CLTC: variants seen among roughly 807,000 people sequenced by gnomAD.
CLTC encodes the protein clathrin heavy chain 1.
Under a neutral mutation model 195.8 loss-of-function variants are expected in CLTC, and 16 were observed. The ratio of observed to expected loss-of-function variants is 0.08; its 90% CI spans 0.06 to 0.12. The LOEUF (loss-of-function observed/expected upper bound fraction) is 0.12, where lower values mean the gene tolerates loss of function less well. CLTC is among the 10% of genes least tolerant of loss of function. CLTC has a pLI of 1.00. For synonymous variants in CLTC, 667 were observed against 689.4 expected, an observed-to-expected ratio of 0.97 and a Z score of 0.51; for missense variants, 796 against 2,027.0, an observed-to-expected ratio of 0.39 and a Z score of 11.66.
intron 30 of CLTC, among the ~76,000 whole-genome samples, chr17:59,686,325 A>AT (rs1349256381): frequency 2.7e-5 from 4 of 147,978 alleles, no homozygotes; most frequent in Non-Finnish European, 6.0e-5. Context: ...TGGGGGTCTA[A>AT]TTGCCTTATA....
intron 13 of CLTC, among the ~76,000 whole-genome samples, chr17:59,668,136 G>T (rs2032771791): frequency 6.6e-6 from 1 of 152,240 alleles, no homozygotes; most frequent in Non-Finnish European, 1.5e-5. Context: ...GGAAGGCAAA[G>T]ATAAGATTTT....
Position 59,619,898 on chromosome 17 carries a change from C to G in CLTC, c.-234C>G, listed in dbSNP as rs368515369. On this transcript the variant is annotated 5_prime_UTR_variant, in exon 1 of 32. Transcript: ENST00000269122. ...CCGGGATCCTTCCGCTGGGCTCAGC[C>G]GTTTCCGGAGTCTGCGCTGCGCCCG... The G allele has an allele frequency of 2.0e-6, 1 of 500,744 alleles. No homozygotes were observed. The highest frequency in any genetic ancestry group is 1.9e-5 in the African/African-American group (1 of 51,376). The allele number at this position is 500,744 out of a possible 1,614,324, so 31.0% of individuals were successfully genotyped here.
chr17:59,678,216 C>G (rs755115042), intron 17 of CLTC, among the ~76,000 whole-genome samples: 41 of 152,296 alleles, frequency 2.7e-4, no homozygotes, highest in Non-Finnish European at 4.1e-4. Flanking sequence ...TCCGGAAGCA[C>G]GCAGTGTTCA....
chr17:59,648,362 G>A lies in CLTC; in HGVS notation c.642G>A (p.Thr214=), dbSNP rs774189767. The change falls in exon 4 of 32, where the codon ACG becomes ACA. Residue 214 remains threonine (T), a synonymous_variant. Transcript: ENST00000269122. This position sits in a 1 kb window ranked among gnomAD's most constrained non-coding sequence, Gnocchi z 4.5. ...FKMEGNAEES[T]LFCFAVRGQA... is the part of the protein sequence containing the mutation. ...TGGAAGGAAATGCAGAAGAATCAAC[G>A]TTATTTTGTTTTGCAGTTCGGGGCC... 6.8e-6 allele frequency: 11 copies of A among 1,613,906 alleles called. No individual in the cohort carries two copies. The highest frequency in any genetic ancestry group is 6.7e-5 in the African/African-American group (5 of 74,914).
intron 1 of CLTC, among the ~76,000 whole-genome samples, chr17:59,642,847 ATAACT>A (rs2032077316): frequency 6.6e-6 from 1 of 152,216 alleles, no homozygotes; most frequent in Non-Finnish European, 1.5e-5. Context: ...TATAACATTA[ATAACT>A]TAATACCAGT....
At chr17:59,636,593 A>G (rs2031867393) in intron 1 of CLTC, among the ~76,000 whole-genome samples, 1 of 150,964 alleles carries the variant, frequency 6.6e-6, no homozygotes, top group Non-Finnish European at 1.5e-5. Flanking sequence ...GCCTCAAGCT[A>G]TCCTCCCATC....
intron 17 of CLTC, among the ~76,000 whole-genome samples, chr17:59,678,218 C>T (rs1037757970): frequency 1.3e-5 from 2 of 152,148 alleles, no homozygotes; most frequent in Non-Finnish European, 1.5e-5. Context: ...CGGAAGCACG[C>T]AGTGTTCATT....
Position 59,651,186 on chromosome 17 carries a change from G to A in CLTC, c.682-17G>A, listed in dbSNP as rs1339531418. ...TAATGTATAGGTTTATATACATTTT[G>A]ATTTTCTTTTGAACAGTTACATATT... On this transcript the variant is annotated splice_polypyrimidine_tract_variant and intron_variant, in intron 4 of 31. Transcript: ENST00000269122. 6.6e-7 allele frequency: 1 copy of A among 1,510,618 alleles called. No homozygotes were observed. Among genetic ancestry groups the A allele is most frequent in the Non-Finnish European group, 9.2e-7 (1 of 1,089,502 alleles). 93.6% of individuals were successfully genotyped at this position (1,510,618 alleles called of 1,614,324 possible).
rs2032224378 is a variant in CLTC at position 59,647,414 on chromosome 17, G to A, written c.267G>A (p.Gln89=). The A allele has an allele frequency of 1.2e-6, 2 of 1,612,392 alleles. No individual in the cohort carries two copies. Among genetic ancestry groups the A allele is most frequent in the South Asian group, 2.2e-5 (2 of 90,738 alleles). The part of the protein sequence containing the change: ...VIALKAGKTL[Q]IFNIEMKSKM... ...TGTTTTTAGCTGGGAAAACTCTTCA[G>A]ATTTTTAACATTGAAATGAAAAGTA... is the stretch of plus-strand genomic sequence containing the variant. The change falls in exon 3 of 32, where the codon CAG becomes CAA. Residue 89 remains glutamine, a synonymous_variant. Coordinates refer to ENST00000269122, the MANE Select transcript of CLTC (RefSeq NM_004859.4).
intron 9 of CLTC, 108 bp downstream of exon 9, chr17:59,664,102 G>T: frequency 2.2e-6 from 2 of 929,100 alleles, no homozygotes; most frequent in Non-Finnish European, 3.1e-6. Context: ...CTTTCATTTT[G>T]ATTTACTTTG....
intron 5 of CLTC, among the ~76,000 whole-genome samples, chr17:59,653,206 T>G (rs2143519896): frequency 6.6e-6 from 1 of 151,864 alleles, no homozygotes; most frequent in African/African-American, 2.4e-5. Context: ...ATTTATTTTT[T>G]TTTTTGAGAC....
Position 59,666,369 on chromosome 17 carries a change from ATTC to A in CLTC, c.1783-108_1783-106del. ...TTAAAGAAAATGTAGCTATTATAAT[ATTC>A]TTTTGTACTTTAACAGTTCACTATT... On this transcript the variant is annotated intron_variant, in intron 11 of 31. Coordinates refer to ENST00000269122, the MANE Select transcript of CLTC (RefSeq NM_004859.4). This position sits in a 1 kb window ranked among gnomAD's most constrained non-coding sequence, Gnocchi z 4.9. 1 of 1,477,478 alleles carries A rather than the reference ATTC, an allele frequency of 6.8e-7. No homozygotes were observed. The highest frequency in any genetic ancestry group is 1.4e-5 in the African/African-American group (1 of 71,072). 91.5% of individuals were successfully genotyped at this position (1,477,478 alleles called of 1,614,324 possible).
chr17:59,632,456 C>A (rs764633935), intron 1 of CLTC, among the ~76,000 whole-genome samples: 4 of 149,670 alleles, frequency 2.7e-5, no homozygotes, highest in African/African-American at 9.8e-5. Context: ...TTTGAAAGAA[C>A]CAAAATTAAA....
At chr17:59,625,644 G>A (rs189765444) in intron 1 of CLTC, among the ~76,000 whole-genome samples, 72 of 152,156 alleles carry the variant, frequency 4.7e-4, no homozygotes, top group African/African-American at 1.5e-3. Flanking sequence ...TTAAGACCTC[G>A]TCTCTATATT....
chr17:59,658,151 C>T lies in CLTC; in HGVS notation c.969+2124C>T, dbSNP rs536761533. Among the ~76,000 whole-genome samples the T allele has an allele frequency of 4.6e-5, 7 of 152,016 alleles. No homozygotes were observed. In the South Asian group the frequency reaches 1.5e-3, roughly 32 times the overall value. ...CCATGAGGCAGAGGTTGCTGTGAGCCAATATTGTGCCATTGCACTCCAGCC... is the reference window on the plus strand; with the variant it reads ...CCATGAGGCAGAGGTTGCTGTGAGCTAATATTGTGCCATTGCACTCCAGCC... On this transcript the variant is annotated intron_variant, in intron 6 of 31. Transcript: ENST00000269122.
At chr17:59,654,269 G>A (rs974424433) in intron 5 of CLTC, among the ~76,000 whole-genome samples, 1 of 151,826 alleles carries the variant, frequency 6.6e-6, no homozygotes, top group African/African-American at 2.4e-5. Flanking sequence ...TCCACGTCTC[G>A]GGTTCAAGTG....
chr17:59,643,818 A>G (rs2032112592), intron 1 of CLTC, among the ~76,000 whole-genome samples: 1 of 152,204 alleles, frequency 6.6e-6, no homozygotes, highest in Non-Finnish European at 1.5e-5. Flanking sequence ...TTGCTATTCA[A>G]GTTCCTTTAT....
intron 1 of CLTC, among the ~76,000 whole-genome samples, chr17:59,643,784 C>T (rs982310280): frequency 6.6e-6 from 1 of 152,136 alleles, no homozygotes; most frequent in African/African-American, 2.4e-5. Context: ...GCACTTTTTG[C>T]ACAGAATTAG....
intron 13 of CLTC, among the ~76,000 whole-genome samples, chr17:59,667,938 A>G (rs1400384600): frequency 6.6e-6 from 1 of 152,056 alleles, no homozygotes; most frequent in Non-Finnish European, 1.5e-5. Flanking sequence ...TTTTTTCTTA[A>G]TTTTCCCAGT....
Sources: gnomAD v4.1 joint callset for allele counts (sites outside exome capture counted in the v4.1 genomes callset) on GRCh38, gnomAD v4.1.1 for gene constraint, Gnocchi (gnomAD v3.1) non-coding constraint, MANE v1.5 for transcripts, NCBI Gene and HGNC (gene_info 2026-07-23, HGNC 2026-07-21) for gene names.